CNTN4: variants seen among roughly 807,000 people sequenced by gnomAD.
The protein encoded by CNTN4 is contactin 4.
Under a neutral mutation model 122.5 loss-of-function variants are expected in CNTN4, and 77 were observed. The ratio of observed to expected loss-of-function variants is 0.63; its 90% CI spans 0.52 to 0.76. The LOEUF is 0.76. Among genes scored for constraint, CNTN4 ranks in the 30% least tolerant of loss-of-function variants. The probability of loss-of-function intolerance (pLI) is 0.00; values close to 1 mark genes in which losing one functional copy is unlikely to be tolerated. For synonymous variants in CNTN4, 512 were observed against 447.0 expected (o/e 1.15, Z -1.83); for missense variants, 1,256 against 1,259.1 (o/e 1.00, Z 0.04).
intron 12 of CNTN4, among the ~76,000 whole-genome samples, chr3:2,914,425 G>A (rs2094333408): frequency 6.6e-6 from 1 of 152,044 alleles, no homozygotes; most frequent in Admixed American, 6.6e-5. Flanking sequence ...AGAAAAGAGT[G>A]TACTCAAATA....
chr3:2,660,409 G>A (rs1373844946), intron 4 of CNTN4, among the ~76,000 whole-genome samples: 1 of 152,140 alleles, frequency 6.6e-6, no homozygotes, highest in Non-Finnish European at 1.5e-5. Context: ...TAAACAGCGT[G>A]TGTTCACCTT....
At chr3:2,197,847 T>G (rs1391557908) in intron 2 of CNTN4, among the ~76,000 whole-genome samples, 2 of 152,044 alleles carry the variant, frequency 1.3e-5, no homozygotes, top group Non-Finnish European at 2.9e-5. Flanking sequence ...AAACCCCGTC[T>G]CTATTAAAAA....
chr3:2,446,814 G>A (rs1445460849), intron 3 of CNTN4, among the ~76,000 whole-genome samples: 1 of 152,118 alleles, frequency 6.6e-6, no homozygotes. Context: ...AGGGACTAAG[G>A]CAGGTTGAGA....
At chr3:2,284,561 C>T (rs527354054) in intron 2 of CNTN4, among the ~76,000 whole-genome samples, 5 of 152,002 alleles carry the variant, frequency 3.3e-5, no homozygotes, top group Admixed American at 2.0e-4. Context: ...AGTGTAATTT[C>T]AAGGAATTTA....
chr3:2,242,059 A>G (rs2039962553), intron 2 of CNTN4, among the ~76,000 whole-genome samples: 2 of 152,146 alleles, frequency 1.3e-5, no homozygotes, highest in South Asian at 4.1e-4. Flanking sequence ...TGGGTGAAAG[A>G]CCATCAAAAA....
chr3:2,152,808 T>A (rs2035553159), intron 2 of CNTN4, among the ~76,000 whole-genome samples: 1 of 152,136 alleles, frequency 6.6e-6, no homozygotes, highest in South Asian at 2.1e-4. Flanking sequence ...AAAAGCAGGG[T>A]ACGGAAATGT....
chr3:2,575,809 C>CTTTTTTTTTTTTTTTTTTTTTTTTT (rs56303805), intron 4 of CNTN4, among the ~76,000 whole-genome samples: 2 of 101,250 alleles, frequency 2.0e-5, no homozygotes, highest in African/African-American at 7.5e-5. Context: ...TCTTCTTCTT[C>CTTTTTTTTTTTTTTTTTTTTTTTTT]TTTTTTTTTT....
intron 12 of CNTN4, among the ~76,000 whole-genome samples, chr3:2,920,494 G>A (rs939396286): frequency 2.0e-5 from 3 of 151,664 alleles, no homozygotes; most frequent in East Asian, 2.0e-4. Context: ...AACCATTGGG[G>A]GAGACGGGGT....
chr3:2,362,387 G>C, intron 3 of CNTN4: 1 of 334,902 alleles, frequency 3.0e-6, no homozygotes, highest in South Asian at 2.4e-5. Flanking sequence ...AAGGCCCAGC[G>C]GGCAATTCCT....
intron 2 of CNTN4, among the ~76,000 whole-genome samples, chr3:2,171,863 A>G (rs762856532): frequency 2.4e-4 from 37 of 152,192 alleles, no homozygotes; most frequent in Non-Finnish European, 4.9e-4. Flanking sequence ...GTTCTAGTCT[A>G]GACTCTTGGT....
At chr3:3,045,905 A>G (rs1700597574) in intron 23 of CNTN4, among the ~76,000 whole-genome samples, 2 of 152,224 alleles carry the variant, frequency 1.3e-5, no homozygotes, top group Non-Finnish European at 2.9e-5. Context: ...ATGGCTAACT[A>G]GACTAACCAA....
intron 9 of CNTN4, among the ~76,000 whole-genome samples, chr3:2,885,657 C>A (rs1404958283): frequency 6.6e-6 from 1 of 152,130 alleles, no homozygotes; most frequent in African/African-American, 2.4e-5. Flanking sequence ...TTTCTGTTAT[C>A]TATTGCTACA....
chr3:2,174,380 C>T (rs1462675006), intron 2 of CNTN4, among the ~76,000 whole-genome samples: 1 of 152,152 alleles, frequency 6.6e-6, no homozygotes, highest in Non-Finnish European at 1.5e-5. Context: ...AAGCAACAGA[C>T]ATTTATTTCT....
intron 3 of CNTN4, among the ~76,000 whole-genome samples, chr3:2,528,154 G>A (rs2077469561): frequency 6.6e-6 from 1 of 152,130 alleles, no homozygotes; most frequent in Non-Finnish European, 1.5e-5. Context: ...CTTGTTCACA[G>A]TACTGAGTAA....
At chr3:2,216,765 G>C (rs972920545) in intron 2 of CNTN4, among the ~76,000 whole-genome samples, 1 of 152,068 alleles carries the variant, frequency 6.6e-6, no homozygotes, top group Non-Finnish European at 1.5e-5. Flanking sequence ...TTGATGTTAT[G>C]CCCTGGCTGG....
At chr3:2,120,512 C>T (rs1049873140) in intron 2 of CNTN4, among the ~76,000 whole-genome samples, 1 of 149,748 alleles carries the variant, frequency 6.7e-6, no homozygotes, top group Non-Finnish European at 1.5e-5. Flanking sequence ...AAGCAATTCT[C>T]CTGTCTCAGC....
chr3:2,548,509 C>T (rs780317492), intron 3 of CNTN4, among the ~76,000 whole-genome samples: 3 of 151,956 alleles, frequency 2.0e-5, no homozygotes, highest in Non-Finnish European at 4.4e-5. Flanking sequence ...ATTTCTGAGG[C>T]CTCTGTTCCA....
intron 3 of CNTN4, among the ~76,000 whole-genome samples, chr3:2,390,856 C>A (rs1294613509): frequency 6.6e-6 from 1 of 152,146 alleles, no homozygotes; most frequent in Admixed American, 6.6e-5. Flanking sequence ...AATTGCCCGA[C>A]CCAAACCTTC....
chr3:2,509,495 C>T (rs755599896), intron 3 of CNTN4, among the ~76,000 whole-genome samples: 1 of 152,010 alleles, frequency 6.6e-6, no homozygotes, highest in Non-Finnish European at 1.5e-5. Flanking sequence ...TTCTTTGTAC[C>T]CCACTTTGCA....
Sources: gnomAD v4.1 joint callset for allele counts (sites outside exome capture counted in the v4.1 genomes callset) on GRCh38, gnomAD v4.1.1 for gene constraint, MANE v1.5 for transcripts, NCBI Gene and HGNC (gene_info 2026-07-23, HGNC 2026-07-21) for gene names.